The following CYP39A1 variants were observed in gnomAD, a reference collection of about 807,000 sequenced individuals.
The protein encoded by CYP39A1 is 24-hydroxycholesterol 7-alpha-hydroxylase.
In CYP39A1, 49 loss-of-function variants were observed where a neutral mutation model predicts 58.1. The observed-to-expected ratio is 0.84, with a 90% confidence interval of 0.67 to 1.07. The LOEUF (loss-of-function observed/expected upper bound fraction) is 1.07, where lower values mean the gene tolerates loss of function less well. Among genes scored for constraint, CYP39A1 ranks in the 50% least tolerant of loss-of-function variants. The probability of loss-of-function intolerance (pLI) is 0.00; values close to 1 mark genes in which losing one functional copy is unlikely to be tolerated. For synonymous variants in CYP39A1, 209 were observed against 187.6 expected (o/e 1.11, Z -0.93); for missense variants, 531 against 539.4 (o/e 0.98, Z 0.16).
intron 10 of CYP39A1, among the ~76,000 whole-genome samples, chr6:46,575,330 C>T: frequency 6.6e-6 from 1 of 152,186 alleles, no homozygotes; most frequent in East Asian, 1.9e-4. Context: ...CCTTTGTTAG[C>T]TGCTGGACCT....
At chr6:46,563,162 G>A (rs919229661) in intron 10 of CYP39A1, among the ~76,000 whole-genome samples, 3 of 150,394 alleles carry the variant, frequency 2.0e-5, no homozygotes, top group Non-Finnish European at 4.4e-5. Context: ...CTATGTCACT[G>A]AATTTTGTTC....
chr6:46,560,619 T>A (rs577259297), intron 10 of CYP39A1, among the ~76,000 whole-genome samples: 2 of 152,082 alleles, frequency 1.3e-5, no homozygotes, highest in Non-Finnish European at 2.9e-5. Flanking sequence ...AAAGAAGATG[T>A]TGAATGGAAG....
intron 5 of CYP39A1, among the ~76,000 whole-genome samples, chr6:46,633,117 C>T (rs1303919559): frequency 2.6e-5 from 4 of 152,128 alleles, no homozygotes; most frequent in Non-Finnish European, 5.9e-5. Flanking sequence ...ATATGTAACA[C>T]TATGCTTGCC....
chr6:46,583,256 C>T (rs1772250088), intron 10 of CYP39A1: 1 of 985,348 alleles, frequency 1.0e-6, no homozygotes, highest in Non-Finnish European at 1.2e-6. Flanking sequence ...TTGTTTTACA[C>T]TGGAGTTTAA....
chr6:46,631,102 T>C (rs759844270), intron 5 of CYP39A1, 32 bp from the exon 6 acceptor site: 4 of 1,475,190 alleles, frequency 2.7e-6, no homozygotes, highest in South Asian at 1.1e-5. Flanking sequence ...TGCCAAACCA[T>C]GGCTATGTGA....
chr6:46,598,786 T>C (rs1773321616), intron 7 of CYP39A1, among the ~76,000 whole-genome samples: 1 of 152,164 alleles, frequency 6.6e-6, no homozygotes, highest in South Asian at 2.1e-4. Context: ...ATAAGTGCTT[T>C]GTCTAGACAA....
chr6:46,631,005 A>G lies in CYP39A1; in HGVS notation c.798T>C (p.Tyr266=). The G allele has an allele frequency of 1.2e-6, 2 of 1,614,106 alleles. No individual in the cohort carries two copies. The highest frequency in any genetic ancestry group is 1.7e-6 in the Non-Finnish European group (2 of 1,180,008). ...TETSKENSPN[Y]GLLLLWASLS... ...GAGAAGCCCAAAGCAGTAAGAGCCC[A>G]TAATTGGGTGAGTTTTCCTTACTTG... Residue 266 remains tyrosine (Y), a synonymous_variant, in exon 6 of 12, where the codon TAT becomes TAC. Coordinates refer to ENST00000275016, the MANE Select transcript of CYP39A1 (RefSeq NM_016593.5).
intron 10 of CYP39A1, among the ~76,000 whole-genome samples, chr6:46,585,280 C>T (rs1160936579): frequency 6.6e-6 from 1 of 151,816 alleles, no homozygotes; most frequent in Non-Finnish European, 1.5e-5. Flanking sequence ...CTGCTAGCTC[C>T]AGGTCAAGGA....
chr6:46,569,503 G>GGCTT, intron 10 of CYP39A1, among the ~76,000 whole-genome samples: 1 of 152,020 alleles, frequency 6.6e-6, no homozygotes, highest in Non-Finnish European at 1.5e-5. Context: ...GTTAGCTGTG[G>GGCTT]GCTTGTCATA....
At chr6:46,579,303 C>T (rs1257827455) in intron 10 of CYP39A1, among the ~76,000 whole-genome samples, 1 of 152,040 alleles carries the variant, frequency 6.6e-6, no homozygotes, top group African/African-American at 2.4e-5. Flanking sequence ...CGATAAAATT[C>T]CACATTCCTT....
At chr6:46,560,070 C>CTAAAA (rs1162553969) in intron 10 of CYP39A1, among the ~76,000 whole-genome samples, 1 of 152,092 alleles carries the variant, frequency 6.6e-6, no homozygotes, top group East Asian at 1.9e-4. Context: ...GAAGGTCTCT[C>CTAAAA]TGATGAGGTG....
At chr6:46,642,069 T>C in intron 2 of CYP39A1, 94 bp downstream of exon 2, 1 of 1,308,660 alleles carries the variant, frequency 7.6e-7, no homozygotes, top group Middle Eastern at 1.9e-4. Context: ...CCCTCATCAT[T>C]CTTGATAGAG....
intron 10 of CYP39A1, among the ~76,000 whole-genome samples, chr6:46,581,763 C>T (rs1399779067): frequency 6.6e-6 from 1 of 152,064 alleles, no homozygotes; most frequent in Non-Finnish European, 1.5e-5. Context: ...TGCACATGTA[C>T]CCCCCTTGAA....
At chr6:46,574,788 AAC>A (rs1393774798) in intron 10 of CYP39A1, among the ~76,000 whole-genome samples, 105 of 152,220 alleles carry the variant, frequency 6.9e-4, no homozygotes, top group Non-Finnish European at 3.1e-4. Context: ...CTCAGAAATA[AAC>A]ACAGTTTGTT....
chr6:46,557,229 TTAG>T (rs1770707706), intron 10 of CYP39A1, among the ~76,000 whole-genome samples: 2 of 151,928 alleles, frequency 1.3e-5, no homozygotes, highest in Non-Finnish European at 2.9e-5. Context: ...ATACATGTTA[TTAG>T]AGATATAGAT....
intron 8 of CYP39A1, among the ~76,000 whole-genome samples, chr6:46,589,244 G>A (rs1299809362): frequency 2.0e-5 from 3 of 152,016 alleles, no homozygotes; most frequent in Non-Finnish European, 2.9e-5. Flanking sequence ...TTTGAGCTCA[G>A]GAGTTTGAGA....
chr6:46,553,104 T>C (rs1276771460), intron 11 of CYP39A1, among the ~76,000 whole-genome samples: 1 of 106,384 alleles, frequency 9.4e-6, no homozygotes, highest in Non-Finnish European at 2.0e-5. Flanking sequence ...AGGAAAGAAA[T>C]GCAATTCTGT....
intron 7 of CYP39A1, among the ~76,000 whole-genome samples, chr6:46,610,588 T>A (rs1774154587): frequency 6.6e-6 from 1 of 152,124 alleles, no homozygotes. Context: ...CAAGCCATCC[T>A]CCCATCTCAG....
intron 10 of CYP39A1, among the ~76,000 whole-genome samples, chr6:46,562,314 T>C (rs1043481335): frequency 3.9e-5 from 6 of 152,004 alleles, no homozygotes; most frequent in African/African-American, 1.4e-4. Context: ...TGAGCCACTG[T>C]GTCCAGACTA....
Sources: gnomAD v4.1 joint callset for allele counts (sites outside exome capture counted in the v4.1 genomes callset) on GRCh38, gnomAD v4.1.1 for gene constraint, MANE v1.5 for transcripts, NCBI Gene and HGNC (gene_info 2026-07-23, HGNC 2026-07-21) for gene names.